ZNF618: variants seen among roughly 807,000 people sequenced by gnomAD.
ZNF618 encodes the protein neural precursor cell expressed, developmentally down-regulated 10.
A neutral mutation model predicts 103.0 loss-of-function variants in ZNF618; 34 were observed. The observed-to-expected ratio is 0.33, with a 90% CI of 0.25 to 0.44. The LOEUF (loss-of-function observed/expected upper bound fraction) is 0.44. ZNF618 is among the 20% of genes least tolerant of loss of function. ZNF618 has a pLI of 1.00. For synonymous variants in ZNF618, 551 were observed against 542.2 expected (o/e 1.02, Z -0.23); for missense variants, 1,059 against 1,295.4 (o/e 0.82, Z 2.80).
chr9:114,042,596 A>G (rs920599766), intron 13 of ZNF618, among the ~76,000 whole-genome samples: 5 of 152,236 alleles, frequency 3.3e-5, no homozygotes, highest in African/African-American at 1.2e-4. Context: ...TGGGAAGCTG[A>G]GGCAGGAGGA....
Position 113,988,471 on chromosome 9 carries a change from G to C in ZNF618, c.228G>C (p.Trp76Cys), listed in dbSNP as rs755338698. 1 of 1,613,504 alleles carries C rather than the reference G, an allele frequency of 6.2e-7. No homozygotes were observed. Among genetic ancestry groups the C allele is most frequent in the South Asian group, 1.1e-5 (1 of 91,068 alleles). Reference sequence around the variant, plus strand: ...ATGACTACATCCAGGAGGTGATCTGGCAGGGCGAGGCCAAGGAGGAGAAGA... The same window carrying C: ...ATGACTACATCCAGGAGGTGATCTGCCAGGGCGAGGCCAAGGAGGAGAAGA... The part of the protein sequence containing the change: ...LPDDYIQEVI[W>C]QGEAKEEKKA... Residue 76 changes from tryptophan (W) to cysteine (C), a missense_variant, in exon 3 of 15, where the codon TGG becomes TGC. By Grantham distance (215) the Trp-to-Cys change is radical. Transcript: ENST00000374126.
At chr9:113,939,632 C>A (rs1588099788) in intron 1 of ZNF618, among the ~76,000 whole-genome samples, 2 of 151,886 alleles carry the variant, frequency 1.3e-5, no homozygotes, top group South Asian at 4.2e-4. Context: ...ATTCAAATTT[C>A]TTCCTCTAAT....
At chr9:114,014,547 C>T (rs895636394) in intron 9 of ZNF618, among the ~76,000 whole-genome samples, 1 of 152,212 alleles carries the variant, frequency 6.6e-6, no homozygotes, top group African/African-American at 2.4e-5. Flanking sequence ...TGTGCCAGCA[C>T]TTAGCACAGT....
rs374461489 is a variant in ZNF618 at position 113,950,550 on chromosome 9, C to T, written c.34-18567C>T. Among the ~76,000 whole-genome samples the T allele has an allele frequency of 1.3e-4, 20 of 152,254 alleles. No individual in the cohort carries two copies. In the East Asian group the frequency reaches 2.7e-3, roughly 21 times the overall value. On this transcript the variant is annotated intron_variant, in intron 1 of 14. Coordinates refer to ENST00000374126, the MANE Select transcript of ZNF618 (RefSeq NM_001318042.2). ...TTTGAGCCCAGCCAGGCTTATGTGA[C>T]GAGGCTGCCACAGGGAGACGTCTTG...
chr9:113,894,703 A>G (rs1467751305), intron 1 of ZNF618, among the ~76,000 whole-genome samples: 1 of 152,112 alleles, frequency 6.6e-6, no homozygotes, highest in Non-Finnish European at 1.5e-5. Flanking sequence ...TAGATATTTG[A>G]TATTTTTGAC....
chr9:114,047,478 T>G (rs1845751157), intron 13 of ZNF618, among the ~76,000 whole-genome samples: 2 of 152,202 alleles, frequency 1.3e-5, no homozygotes, highest in African/African-American at 4.8e-5. Flanking sequence ...GAGGAGTTTT[T>G]GGCCACTTGG....
chr9:113,998,816 C>T (rs570376196), intron 4 of ZNF618, among the ~76,000 whole-genome samples: 2 of 152,364 alleles, frequency 1.3e-5, no homozygotes, highest in African/African-American at 2.4e-5. Flanking sequence ...CCATGGTCCT[C>T]TTTTTGCTGG....
rs1487664013 is a variant in ZNF618, at chr9:113,894,408, A to G, written c.33+17995A>G. 4.6e-5 allele frequency among the ~76,000 whole-genome samples: 7 copies of G among 152,216 alleles called. No individual in the cohort carries two copies. In the South Asian group the frequency reaches 1.4e-3, roughly 32 times the overall value. ...TTCACAGCCTTCTGGAATGTGCTGT[A>G]GAAAGTTCAGCGCTCTCAGACTGAT... On this transcript the variant is annotated intron_variant, in intron 1 of 14. Coordinates refer to ENST00000374126, the MANE Select transcript of ZNF618 (RefSeq NM_001318042.2).
At chr9:113,910,283 T>A (rs1831411245) in intron 1 of ZNF618, among the ~76,000 whole-genome samples, 1 of 152,162 alleles carries the variant, frequency 6.6e-6, no homozygotes, top group Admixed American at 6.5e-5. Context: ...TTCTGGCCTC[T>A]AAGTAGGGGA....
chr9:113,918,819 C>CT (rs777452631), intron 1 of ZNF618, among the ~76,000 whole-genome samples: 54 of 152,188 alleles, frequency 3.5e-4, no homozygotes, highest in Non-Finnish European at 5.4e-4. Flanking sequence ...GGAATCAGCC[C>CT]TTACCCCATG....
chr9:114,012,409 C>G (rs1478886837), intron 9 of ZNF618, among the ~76,000 whole-genome samples: 1 of 152,176 alleles, frequency 6.6e-6, no homozygotes, highest in Non-Finnish European at 1.5e-5. Flanking sequence ...GCACTAATCC[C>G]ATGGTGGGGA....
At chr9:114,012,357 AAGAG>A (rs34560424) in intron 9 of ZNF618, among the ~76,000 whole-genome samples, 11 of 152,002 alleles carry the variant, frequency 7.2e-5, no homozygotes, top group African/African-American at 1.7e-4. Context: ...ATGATGGTGA[AAGAG>A]AGAGAGAGCA....
intron 9 of ZNF618, among the ~76,000 whole-genome samples, chr9:114,011,807 C>T (rs186213104): frequency 4.6e-5 from 7 of 152,206 alleles, no homozygotes; most frequent in African/African-American, 7.2e-5. Flanking sequence ...AATGACAGAG[C>T]AGAGAATCCT....
intron 1 of ZNF618, among the ~76,000 whole-genome samples, chr9:113,896,336 C>A (rs78829530): frequency 0.011 from 1,748 of 152,106 alleles, 20 homozygotes; most frequent in Middle Eastern, 0.048. Flanking sequence ...TGGTCACTTA[C>A]AGATGTGTAA....
chr9:113,933,637 A>T (rs1441778476), intron 1 of ZNF618, among the ~76,000 whole-genome samples: 1 of 152,144 alleles, frequency 6.6e-6, no homozygotes, highest in African/African-American at 2.4e-5. Flanking sequence ...GGGCTGTACT[A>T]AGGGCCCACT....
chr9:113,985,623 A>G (rs1412350165), intron 2 of ZNF618, among the ~76,000 whole-genome samples: 2 of 152,204 alleles, frequency 1.3e-5, no homozygotes, highest in African/African-American at 2.4e-5. Context: ...ACCCACGAGC[A>G]TCTTGGTTTT....
chr9:113,878,975 C>T (rs1828229597), intron 1 of ZNF618, among the ~76,000 whole-genome samples: 1 of 151,162 alleles, frequency 6.6e-6, no homozygotes, highest in African/African-American at 2.4e-5. Context: ...TCAGGGCTGA[C>T]TGGTCACATT....
chr9:114,038,379 C>T (rs1031705180), intron 13 of ZNF618, among the ~76,000 whole-genome samples: 13 of 152,206 alleles, frequency 8.5e-5, no homozygotes, highest in Admixed American at 2.6e-4. Flanking sequence ...GGAGTGGAGC[C>T]GTGGGCTGCT....
At chr9:113,938,170 T>A (rs1004671463) in intron 1 of ZNF618, among the ~76,000 whole-genome samples, 5 of 141,946 alleles carry the variant, frequency 3.5e-5, no homozygotes, top group Admixed American at 3.5e-4. Flanking sequence ...CTCCTGTTTT[T>A]TTTTTTTTTT....
Sources: allele counts gnomAD v4.1 joint callset (sites outside exome capture counted in the v4.1 genomes callset), GRCh38; gene constraint gnomAD v4.1.1; transcripts MANE v1.5; gene names NCBI Gene and HGNC (gene_info 2026-07-23, HGNC 2026-07-21).